PCSK2: variants seen among roughly 807,000 people sequenced by gnomAD.
PCSK2 encodes the protein proprotein convertase subtilisin/kexin type 2.
Under a neutral mutation model 69.7 loss-of-function variants are expected in PCSK2, and 14 were observed. The ratio of observed to expected loss-of-function variants is 0.20; its 90% CI spans 0.13 to 0.31. PCSK2 has a LOEUF of 0.31. Among genes scored for constraint, PCSK2 ranks in the 10% least tolerant of loss-of-function variants. The probability of loss-of-function intolerance (pLI) is 1.00; values close to 1 mark genes in which losing one functional copy is unlikely to be tolerated. For synonymous variants in PCSK2, 307 were observed against 320.7 expected, an observed-to-expected ratio of 0.96 and a Z score of 0.46; for missense variants, 544 against 842.5, an observed-to-expected ratio of 0.65 and a Z score of 4.39.
At chr20:17,276,710 C>A (rs1988093357) in intron 2 of PCSK2, among the ~76,000 whole-genome samples, 1 of 152,096 alleles carries the variant, frequency 6.6e-6, no homozygotes, top group Non-Finnish European at 1.5e-5. Flanking sequence ...GTTGGAAGTT[C>A]TGGCCAGGGC....
intron 2 of PCSK2, among the ~76,000 whole-genome samples, chr20:17,327,458 T>C (rs955650887): frequency 1.4e-4 from 21 of 152,030 alleles, no homozygotes; most frequent in African/African-American, 4.8e-4. Context: ...CATGAATACA[T>C]CCTGTATCCT....
intron 4 of PCSK2, among the ~76,000 whole-genome samples, chr20:17,364,025 A>G (rs1392582117): frequency 1.3e-5 from 2 of 152,118 alleles, no homozygotes; most frequent in African/African-American, 4.8e-5. Context: ...ATTAGGAGAT[A>G]TACCTAATGT....
chr20:17,306,925 T>C (rs1269245185), intron 2 of PCSK2, among the ~76,000 whole-genome samples: 2 of 152,210 alleles, frequency 1.3e-5, no homozygotes, highest in East Asian at 1.9e-4. Flanking sequence ...ATGTCATGCA[T>C]CTCTCATTTA....
intron 4 of PCSK2, among the ~76,000 whole-genome samples, chr20:17,363,796 ACACTGCTTAG>A (rs1224525188): frequency 6.6e-6 from 1 of 152,226 alleles, no homozygotes; most frequent in South Asian, 2.1e-4. Context: ...TATGTGCTAG[ACACTGCTTAG>A]CATTTTGGAA....
At chr20:17,261,022 A>G (rs1031774789) in intron 2 of PCSK2, among the ~76,000 whole-genome samples, 7 of 151,986 alleles carry the variant, frequency 4.6e-5, no homozygotes, top group African/African-American at 9.7e-5. Flanking sequence ...CTTTCCCCCA[A>G]TCAAACATAT....
intron 2 of PCSK2, among the ~76,000 whole-genome samples, chr20:17,287,016 A>G (rs1988532688): frequency 1.3e-5 from 2 of 152,260 alleles, no homozygotes; most frequent in Admixed American, 1.3e-4. Flanking sequence ...GCTCGAGTCC[A>G]TGGCAGTCTG....
Position 17,481,983 on chromosome 20 carries a change from G to T in PCSK2, c.1830G>T (p.Lys610Asn). 1 of 1,612,812 alleles carries T rather than the reference G, an allele frequency of 6.2e-7. No individual in the cohort carries two copies. Among genetic ancestry groups the T allele is most frequent in the Non-Finnish European group, 8.5e-7 (1 of 1,179,760 alleles). Residue 610 changes from lysine to asparagine, a missense_variant, in exon 12 of 12, where the codon AAG becomes AAT. By Grantham distance (94) the Lys-to-Asn change is moderately conservative. Around this residue, in one of 3 missense-constraint regions of PCSK2, gnomAD observed 200 missense variants for 287.8 expected, o/e 0.69. Coordinates refer to ENST00000262545, the MANE Select transcript of PCSK2 (RefSeq NM_002594.5). ...AGGTGGTGCGGGATTACCAGTCCAA[G>T]TTGGCCATGTCCAAGAAAGAGGAGC... ...IDQVVRDYQS[K>N]LAMSKKEELE...
chr20:17,467,592 G>A (rs906217236), intron 11 of PCSK2, among the ~76,000 whole-genome samples: 9 of 152,140 alleles, frequency 5.9e-5, no homozygotes, highest in African/African-American at 2.2e-4. Context: ...ATTCATAATC[G>A]AAAGAGAAGA....
At position 17,309,990 on chromosome 20, in the gene PCSK2, T is replaced by C. The variant is rs374913582; in HGVS notation, c.283-48337T>C. Among the ~76,000 whole-genome samples the C allele has an allele frequency of 2.0e-3, 297 of 151,722 alleles. 6 individuals are homozygous for C. In the South Asian group the frequency reaches 0.061, roughly 31 times the overall value. On this transcript the variant is annotated intron_variant, in intron 2 of 11. Coordinates refer to ENST00000262545, the MANE Select transcript of PCSK2 (RefSeq NM_002594.5). The stretch of plus-strand genomic sequence containing the variant: ...TTTGCAGGCTGTACAGGAAGCATAG[T>C]GGTTTCTGCTTCCGGGGAGGCCTCT...
intron 5 of PCSK2, among the ~76,000 whole-genome samples, chr20:17,399,107 T>C (rs371372707): frequency 6.6e-6 from 1 of 152,202 alleles, no homozygotes; most frequent in African/African-American, 2.4e-5. Flanking sequence ...AAGTCAACAG[T>C]CTATGGAATG....
At chr20:17,232,971 C>A (rs934559001) in intron 1 of PCSK2, among the ~76,000 whole-genome samples, 1 of 152,134 alleles carries the variant, frequency 6.6e-6, no homozygotes, top group Non-Finnish European at 1.5e-5. Flanking sequence ...TGCCTTAGAT[C>A]GAATCCAAGC....
chr20:17,254,408 A>G (rs1193617221), intron 1 of PCSK2, among the ~76,000 whole-genome samples: 1 of 152,138 alleles, frequency 6.6e-6, no homozygotes, highest in Non-Finnish European at 1.5e-5. Flanking sequence ...CATTTTTTTC[A>G]TGTGAATATC....
intron 2 of PCSK2, among the ~76,000 whole-genome samples, chr20:17,325,190 G>A (rs1284508969): frequency 6.6e-6 from 1 of 152,080 alleles, no homozygotes; most frequent in Non-Finnish European, 1.5e-5. Flanking sequence ...TGTGGGTCCA[G>A]GCTGTCTCCA....
At chr20:17,441,151 C>A (rs1258979522) in intron 8 of PCSK2, among the ~76,000 whole-genome samples, 3 of 152,188 alleles carry the variant, frequency 2.0e-5, no homozygotes, top group Non-Finnish European at 4.4e-5. Context: ...CCCATTGGCA[C>A]CCTTGCTTGT....
intron 5 of PCSK2, among the ~76,000 whole-genome samples, chr20:17,390,213 A>G (rs1414046907): frequency 1.3e-5 from 2 of 152,198 alleles, no homozygotes; most frequent in Middle Eastern, 3.2e-3. Context: ...ATTCAGATAC[A>G]GCGATAGAGA....
Position 17,227,361 on chromosome 20 carries a change from T to C in PCSK2, c.56T>C (p.Val19Ala). 6.2e-7 allele frequency: 1 copy of C among 1,614,010 alleles called. No homozygotes were observed. Among genetic ancestry groups the C allele is most frequent in the Non-Finnish European group, 8.5e-7 (1 of 1,179,956 alleles). The change falls in exon 1 of 12, where the codon GTC (valine) becomes GCC (alanine). Residue 19 changes from valine to alanine, a missense_variant. By Grantham distance (64) the Val-to-Ala change is moderately conservative. Around this residue, in one of 3 missense-constraint regions of PCSK2, gnomAD observed 157 missense variants for 155.0 expected, o/e 1.01. Coordinates refer to ENST00000262545, the MANE Select transcript of PCSK2 (RefSeq NM_002594.5). ...WKAAAGFLFC[V>A]MVFASAERPV... ...GCGGCCGCCGGGTTCCTCTTCTGTGTCATGGTTTTTGCATCTGCTGAGCGA... is the reference window on the plus strand; with the variant it reads ...GCGGCCGCCGGGTTCCTCTTCTGTGCCATGGTTTTTGCATCTGCTGAGCGA...
chr20:17,298,736 T>A (rs1988979657), intron 2 of PCSK2, among the ~76,000 whole-genome samples: 1 of 152,162 alleles, frequency 6.6e-6, no homozygotes. Context: ...AAGGAGGAAT[T>A]ATACTTCCCT....
At chr20:17,274,586 T>C (rs1219965197) in intron 2 of PCSK2, among the ~76,000 whole-genome samples, 2 of 151,816 alleles carry the variant, frequency 1.3e-5, no homozygotes, top group African/African-American at 4.8e-5. Flanking sequence ...TGATATACCG[T>C]GGGGAGAGAG....
chr20:17,413,802 T>C (rs1244253809), intron 6 of PCSK2, among the ~76,000 whole-genome samples: 3 of 152,020 alleles, frequency 2.0e-5, no homozygotes, highest in Non-Finnish European at 4.4e-5. Context: ...CCTCAGCAAA[T>C]GTAAAAGAAA....
Sources: allele counts gnomAD v4.1 joint callset (sites outside exome capture counted in the v4.1 genomes callset), GRCh38; gene constraint gnomAD v4.1.1; regional missense constraint gnomAD v4.1.1; transcripts MANE v1.5; gene names NCBI Gene and HGNC (gene_info 2026-07-23, HGNC 2026-07-21).